GUCY2F: variants seen among roughly 807,000 people sequenced by gnomAD.
The protein encoded by GUCY2F is retinal guanylyl cyclase 2.
Under a neutral mutation model 73.1 loss-of-function variants are expected in GUCY2F, and 61 were observed. The ratio of observed to expected loss-of-function variants is 0.83; its 90% confidence interval spans 0.68 to 1.03. GUCY2F has a LOEUF of 1.03. Ranked by LOEUF, GUCY2F falls within the 50% of genes least tolerant of loss-of-function variation. GUCY2F has a pLI of 0.00. For synonymous variants in GUCY2F, 331 were observed against 307.8 expected, an observed-to-expected ratio of 1.08 and a Z score of -0.79; for missense variants, 912 against 854.3, an observed-to-expected ratio of 1.07 and a Z score of -0.84.
At position 109,482,032 on chromosome X, in the gene GUCY2F, G is replaced by A. The variant is rs1036924989; in HGVS notation, c.-252C>T. ...ATTAATGGGGTAAATAATTGAAAGC[G>A]TTAGTAAATGTTTTGAAAATCACTC... is the stretch of plus-strand genomic sequence containing the variant. On this transcript the variant is annotated 5_prime_UTR_variant, in exon 1 of 20. The change creates a new upstream start codon in the 5' untranslated region. Transcript: ENST00000218006. 8 of 111,885 alleles carry A rather than the reference G, an allele frequency of 7.2e-5. No homozygotes were observed. The highest frequency in any genetic ancestry group is 2.6e-4 in the African/African-American group (8 of 30,692). 9.2% of individuals were successfully genotyped at this position (111,885 alleles called of 1,213,427 possible). A position where few individuals can be genotyped will look rare whatever the true frequency, so the allele number is the denominator to read the frequency against.
intron 8 of GUCY2F, among the ~76,000 whole-genome samples, chrX:109,421,301 A>G (rs1402200383): frequency 9.0e-6 from 1 of 111,702 alleles, no homozygotes; most frequent in Non-Finnish European, 1.9e-5. Flanking sequence ...GTATTTCTAC[A>G]CCCATGTTCC....
At chrX:109,417,428 G>A (rs1400324764) in intron 8 of GUCY2F, among the ~76,000 whole-genome samples, 1 of 111,106 alleles carries the variant, frequency 9.0e-6, no homozygotes, top group African/African-American at 3.3e-5. Flanking sequence ...AGAAGACTAT[G>A]ATAAATTCAA....
At position 109,376,069 on chromosome X, in the gene GUCY2F, C is replaced by T. The variant is rs751885741; in HGVS notation, c.3239+10G>A. 8.5e-7 allele frequency: 1 copy of T among 1,179,276 alleles called. No homozygotes were observed. ...TAGGAAGACTCCAATTAAATGTGAA[C>T]TCCACTTACCCATCTTTGTCCACTG... On this transcript the variant is annotated intron_variant, in intron 18 of 19. Coordinates refer to ENST00000218006, the MANE Select transcript of GUCY2F (RefSeq NM_001522.3).
intron 2 of GUCY2F, among the ~76,000 whole-genome samples, chrX:109,468,129 C>T (rs928139584): frequency 2.8e-4 from 31 of 111,937 alleles, no homozygotes; most frequent in Non-Finnish European, 4.1e-4. Flanking sequence ...CTTGAAAATA[C>T]TCATTCAGTA....
intron 10 of GUCY2F, among the ~76,000 whole-genome samples, chrX:109,403,975 G>A (rs930855975): frequency 6.2e-5 from 7 of 112,045 alleles, no homozygotes; most frequent in African/African-American, 2.3e-4. Context: ...TACGTTGTGG[G>A]GGTCCAGCTT....
At chrX:109,468,446 G>C (rs182226817) in intron 2 of GUCY2F, among the ~76,000 whole-genome samples, 4 of 111,391 alleles carry the variant, frequency 3.6e-5, no homozygotes, top group African/African-American at 9.8e-5. Flanking sequence ...ATTTTTTGTG[G>C]GTTCCTTGAG....
intron 7 of GUCY2F, among the ~76,000 whole-genome samples, chrX:109,434,210 G>A (rs771617034): frequency 9.1e-6 from 1 of 109,976 alleles, no homozygotes. Context: ...AATGTGTCAG[G>A]GTTACACTGC....
At chrX:109,465,618 G>A (rs1932453938) in intron 2 of GUCY2F, among the ~76,000 whole-genome samples, 175 bp from the exon 3 acceptor site, 1 of 112,018 alleles carries the variant, frequency 8.9e-6, no homozygotes, top group South Asian at 3.7e-4. Context: ...CATGGACTCT[G>A]GATTGGGGAT....
At chrX:109,431,223 A>T (rs1252564134) in intron 7 of GUCY2F, among the ~76,000 whole-genome samples, 1 of 111,666 alleles carries the variant, frequency 9.0e-6, no homozygotes, top group African/African-American at 3.3e-5. Flanking sequence ...AAAAATATCA[A>T]TATAGATTCT....
chrX:109,466,348 G>A (rs1039798733), intron 2 of GUCY2F, among the ~76,000 whole-genome samples: 17 of 111,331 alleles, frequency 1.5e-4, no homozygotes, highest in Admixed American at 1.1e-3. Context: ...GATTAAGGAC[G>A]TACTCTGTGT....
intron 9 of GUCY2F, among the ~76,000 whole-genome samples, chrX:109,407,651 T>C (rs768172741): frequency 2.7e-5 from 3 of 112,948 alleles, no homozygotes; most frequent in Non-Finnish European, 3.8e-5. Flanking sequence ...AGGGTCCCCA[T>C]GCTGTGTGCA....
In GUCY2F at chrX:109,392,990, T is replaced by C. The variant is rs1488447919; in HGVS notation, c.2490A>G (p.Gln830=). ...TCAAATCTTCCAAGTTGCTAGAATATTGCTCCAACATCCGAAGCATAGAAT... is the reference window on the plus strand; with the variant it reads ...TCAAATCTTCCAAGTTGCTAGAATACTGCTCCAACATCCGAAGCATAGAAT... ...IIDSMLRMLE[Q]YSSNLEDLIR... Residue 830 remains glutamine (Q), a synonymous_variant, in exon 13 of 20, where the codon CAA becomes CAG. Coordinates refer to ENST00000218006, the MANE Select transcript of GUCY2F (RefSeq NM_001522.3). The C allele has an allele frequency of 4.5e-6, 5 of 1,122,511 alleles. No individual in the cohort carries two copies. Among genetic ancestry groups the C allele is most frequent in the Non-Finnish European group, 4.9e-6 (4 of 814,137 alleles). The allele number at this position is 1,122,511 out of a possible 1,213,427, so 92.5% of individuals were successfully genotyped here.
At chrX:109,440,092 G>T (rs931756684) in intron 7 of GUCY2F, among the ~76,000 whole-genome samples, 5 of 112,095 alleles carry the variant, frequency 4.5e-5, no homozygotes, top group African/African-American at 1.6e-4. Context: ...TTAGTACTGG[G>T]TAATTTATAA....
chrX:109,434,709 T>G (rs763622071), intron 7 of GUCY2F, among the ~76,000 whole-genome samples: 4,523 of 109,814 alleles, frequency 0.041, 287 homozygotes, highest in African/African-American at 0.14. Context: ...CCCATGCCTA[T>G]GTCCTGAATG....
chrX:109,449,940 GA>G (rs1233074872), intron 5 of GUCY2F, among the ~76,000 whole-genome samples: 1 of 110,676 alleles, frequency 9.0e-6, no homozygotes, highest in East Asian at 2.8e-4. Flanking sequence ...AAAACATACA[GA>G]AAAGGAAGGA....
intron 1 of GUCY2F, among the ~76,000 whole-genome samples, chrX:109,480,483 C>G (rs1357236952): frequency 9.0e-6 from 1 of 111,033 alleles, no homozygotes; most frequent in Non-Finnish European, 1.9e-5. Flanking sequence ...CTTTTGGTGC[C>G]CCTCAGATCA....
intron 2 of GUCY2F, among the ~76,000 whole-genome samples, chrX:109,472,539 A>G (rs188914006): frequency 2.7e-5 from 3 of 112,278 alleles, no homozygotes; most frequent in Admixed American, 1.9e-4. Context: ...GATAACATCC[A>G]GGAATACTTA....
At chrX:109,478,358 T>C (rs1426980978) in intron 1 of GUCY2F, among the ~76,000 whole-genome samples, 1 of 112,237 alleles carries the variant, frequency 8.9e-6, no homozygotes, top group Non-Finnish European at 1.9e-5. Context: ...TCTGGAGTAA[T>C]ATGGGAAGGA....
intron 9 of GUCY2F, among the ~76,000 whole-genome samples, chrX:109,405,181 T>C (rs1223457138): frequency 8.9e-6 from 1 of 111,925 alleles, no homozygotes; most frequent in Non-Finnish European, 1.9e-5. Context: ...TACAGAACTA[T>C]GTGACAGCAT....
Sources: gnomAD v4.1 joint callset for allele counts (sites outside exome capture counted in the v4.1 genomes callset) on GRCh38, gnomAD v4.1.1 for gene constraint, MANE v1.5 for transcripts, NCBI Gene and HGNC (gene_info 2026-07-23, HGNC 2026-07-21) for gene names.